KHDRBS3: variants seen among roughly 807,000 people sequenced by gnomAD.
The protein encoded by KHDRBS3 is KH RNA binding domain containing, signal transduction associated 3.
A neutral mutation model predicts 45.6 loss-of-function variants in KHDRBS3; 23 were observed. The ratio of observed to expected loss-of-function variants is 0.50; its 90% CI spans 0.36 to 0.72. KHDRBS3 has a LOEUF of 0.72. Ranked by LOEUF, KHDRBS3 falls within the 30% of genes least tolerant of loss-of-function variation. The probability of loss-of-function intolerance (pLI) is 0.00; values close to 1 mark genes in which losing one functional copy is unlikely to be tolerated. For synonymous variants in KHDRBS3, 162 were observed against 156.5 expected (o/e 1.04, Z -0.26); for missense variants, 352 against 424.8 (o/e 0.83, Z 1.51).
At chr8:135,594,171 CTA>C (rs1262080523) in intron 6 of KHDRBS3, among the ~76,000 whole-genome samples, 5 of 152,092 alleles carry the variant, frequency 3.3e-5, no homozygotes, top group Non-Finnish European at 5.9e-5. Context: ...GGAATAAGGA[CTA>C]TAGTGGTTAA....
At chr8:135,610,212 A>G (rs1179888475) in intron 7 of KHDRBS3, among the ~76,000 whole-genome samples, 2 of 151,962 alleles carry the variant, frequency 1.3e-5, no homozygotes, top group African/African-American at 4.9e-5. Context: ...AAGGGGAGCT[A>G]GCATTTACTT....
intron 1 of KHDRBS3, among the ~76,000 whole-genome samples, chr8:135,498,202 C>A (rs1823557012): frequency 6.6e-6 from 1 of 152,122 alleles, no homozygotes; most frequent in African/African-American, 2.4e-5. Context: ...ACATAAAACA[C>A]ACTTTCCTTG....
intron 7 of KHDRBS3, among the ~76,000 whole-genome samples, chr8:135,616,169 T>C (rs187733112): frequency 1.7e-3 from 258 of 152,366 alleles, no homozygotes; most frequent in African/African-American, 5.8e-3. Context: ...AGAACTTCTG[T>C]AGGATTGTCA....
rs1191688905 is a variant in KHDRBS3, at chr8:135,642,787, G to A, written c.891-2272G>A. 3.3e-5 allele frequency among the ~76,000 whole-genome samples: 5 copies of A among 149,596 alleles called. No individual in the cohort carries two copies. The South Asian group carries it at 1.1e-3, about 32-fold the overall frequency. ...TATTCTAAGGAATATTCCGGTCCAG[G>A]CATTTGTCTTTTTTTTTTTTTTCTG... On this transcript the variant is annotated intron_variant, in intron 7 of 8. Coordinates refer to ENST00000355849, the MANE Select transcript of KHDRBS3 (RefSeq NM_006558.3).
chr8:135,604,241 T>C (rs1211135020), intron 6 of KHDRBS3, among the ~76,000 whole-genome samples: 1 of 152,056 alleles, frequency 6.6e-6, no homozygotes, highest in Non-Finnish European at 1.5e-5. Context: ...ATAGCTACTC[T>C]AGTACTCTTT....
At chr8:135,458,795 C>T (rs1194847511) in intron 1 of KHDRBS3, 8 of 451,684 alleles carry the variant, frequency 1.8e-5, no homozygotes, top group African/African-American at 4.0e-5. Flanking sequence ...TGTGAAAGAT[C>T]CTAGGAAGTA....
At chr8:135,591,247 CAAAT>C (rs1828729668) in intron 6 of KHDRBS3, among the ~76,000 whole-genome samples, 2 of 152,128 alleles carry the variant, frequency 1.3e-5, no homozygotes, top group East Asian at 1.9e-4. Context: ...GAGAAGCTAA[CAAAT>C]AAATGGGAAA....
At chr8:135,528,101 C>T (rs1825283746) in intron 2 of KHDRBS3, among the ~76,000 whole-genome samples, 1 of 152,032 alleles carries the variant, frequency 6.6e-6, no homozygotes, top group Admixed American at 6.6e-5. Flanking sequence ...GTCCTTTTAG[C>T]CTCTAAGCAT....
At chr8:135,599,197 G>A (rs1372673371) in intron 6 of KHDRBS3, among the ~76,000 whole-genome samples, 5 of 152,322 alleles carry the variant, frequency 3.3e-5, no homozygotes, top group East Asian at 3.9e-4. Context: ...CCTGGCATCC[G>A]CCAAGCAGAC....
At chr8:135,556,356 G>A (rs992704269) in intron 4 of KHDRBS3, among the ~76,000 whole-genome samples, 2 of 152,204 alleles carry the variant, frequency 1.3e-5, no homozygotes, top group East Asian at 3.9e-4. Flanking sequence ...CACCAACAAT[G>A]TAAAAGCATT....
chr8:135,590,352 C>G (rs866806738), intron 6 of KHDRBS3, among the ~76,000 whole-genome samples: 8 of 152,210 alleles, frequency 5.3e-5, no homozygotes, highest in East Asian at 1.9e-4. Flanking sequence ...TTTCTAACCT[C>G]CTTTCTCTTC....
At chr8:135,599,882 C>T (rs982720405) in intron 6 of KHDRBS3, among the ~76,000 whole-genome samples, 2 of 152,352 alleles carry the variant, frequency 1.3e-5, no homozygotes, top group South Asian at 2.1e-4. Context: ...AGGGCCGTCA[C>T]GCAGGTGCTG....
rs1166354448 is a variant in KHDRBS3, at chr8:135,598,890, A to C, written c.808-8065A>C. 9.9e-5 allele frequency among the ~76,000 whole-genome samples: 15 copies of C among 152,206 alleles called. No individual in the cohort carries two copies. In the South Asian group the frequency reaches 3.1e-3, roughly 32 times the overall value. On this transcript the variant is annotated intron_variant, in intron 6 of 8. Transcript: ENST00000355849. ...ATTATCGCAATTAAAGTTAGATGTC[A>C]GATAGCATAATTACAGTCTTTTAAA...
intron 1 of KHDRBS3, 146 bp from the exon 2 acceptor site, chr8:135,521,091 C>T (rs911552758): frequency 3.4e-5 from 21 of 618,722 alleles, no homozygotes; most frequent in Admixed American, 1.9e-4. Context: ...TTGATGAAAC[C>T]GGAAATGTAC....
chr8:135,461,691 A>C (rs1821440635), intron 1 of KHDRBS3, among the ~76,000 whole-genome samples: 1 of 152,214 alleles, frequency 6.6e-6, no homozygotes, highest in Admixed American at 6.5e-5. Flanking sequence ...GATGGTTTTC[A>C]ATACAAGCCA....
chr8:135,627,420 A>G (rs1240874482), intron 7 of KHDRBS3, among the ~76,000 whole-genome samples: 3 of 152,168 alleles, frequency 2.0e-5, no homozygotes, highest in African/African-American at 7.2e-5. Context: ...TTTTGCTTCT[A>G]TCTCATTGTC....
intron 7 of KHDRBS3, among the ~76,000 whole-genome samples, chr8:135,633,337 G>A (rs1423724485): frequency 1.3e-5 from 2 of 152,184 alleles, no homozygotes; most frequent in African/African-American, 4.8e-5. Flanking sequence ...ACAGTGCGGT[G>A]TTCATGCCCT....
At chr8:135,518,838 T>C (rs2130638759) in intron 1 of KHDRBS3, among the ~76,000 whole-genome samples, 1 of 152,274 alleles carries the variant, frequency 6.6e-6, no homozygotes, top group African/African-American at 2.4e-5. Context: ...ATAAAAACAG[T>C]TGATTACAAT....
At chr8:135,549,387 T>C (rs1201184454) in intron 4 of KHDRBS3, 1 of 152,246 alleles carries the variant, frequency 6.6e-6, no homozygotes, top group Non-Finnish European at 1.5e-5. Flanking sequence ...ATGATAAATA[T>C]AACAGACATA....
Sources: allele counts gnomAD v4.1 joint callset (sites outside exome capture counted in the v4.1 genomes callset), GRCh38; gene constraint gnomAD v4.1.1; transcripts MANE v1.5; gene names NCBI Gene and HGNC (gene_info 2026-07-23, HGNC 2026-07-21).